The following CDYL2 variants were observed in gnomAD, a reference collection of about 807,000 sequenced individuals.
CDYL2 encodes chromodomain Y like 2, also known as chromodomain Y-like protein 2.
Under a neutral mutation model 49.4 loss-of-function variants are expected in CDYL2, and 23 were observed. The ratio of observed to expected loss-of-function variants is 0.47; its 90% CI spans 0.34 to 0.66. CDYL2 has a LOEUF of 0.66. Ranked by LOEUF, CDYL2 falls within the 30% of genes least tolerant of loss-of-function variation. The probability of loss-of-function intolerance (pLI) is 0.01; values close to 1 mark genes in which losing one functional copy is unlikely to be tolerated. For synonymous variants in CDYL2, 360 were observed against 268.8 expected (o/e 1.34, Z -3.32); for missense variants, 678 against 656.4 (o/e 1.03, Z -0.36).
chr16:80,713,747 G>A (rs1221616395), intron 1 of CDYL2, among the ~76,000 whole-genome samples: 1 of 152,128 alleles, frequency 6.6e-6, no homozygotes, highest in Non-Finnish European at 1.5e-5. Flanking sequence ...GTGACCCTAT[G>A]TGACTTCTAT....
At position 80,709,119 on chromosome 16, in the gene CDYL2, C is replaced by G. The variant is rs547743183; in HGVS notation, c.25-23990G>C. Reference sequence around the variant, plus strand: ...ACAAATTTAGCCAGGCCTGGTGGCTCACGCCTATAATCCCAGCACTTTGGG... The same window carrying G: ...ACAAATTTAGCCAGGCCTGGTGGCTGACGCCTATAATCCCAGCACTTTGGG... On this transcript the variant is annotated intron_variant, in intron 1 of 6. Coordinates refer to ENST00000570137, the MANE Select transcript of CDYL2 (RefSeq NM_152342.4). Among the ~76,000 whole-genome samples, 5 of 152,342 alleles carry G rather than the reference C, an allele frequency of 3.3e-5. No individual in the cohort carries two copies. The East Asian group carries it at 7.7e-4, about 24-fold the overall frequency.
chr16:80,711,681 A>T (rs1026240926), intron 1 of CDYL2, among the ~76,000 whole-genome samples: 5 of 152,060 alleles, frequency 3.3e-5, no homozygotes, highest in African/African-American at 1.2e-4. Context: ...GTCTGTCTCC[A>T]ATGGTTGTTC....
chr16:80,615,450 T>C (rs1247637181), intron 4 of CDYL2, among the ~76,000 whole-genome samples: 1 of 152,118 alleles, frequency 6.6e-6, no homozygotes, highest in Non-Finnish European at 1.5e-5. Flanking sequence ...TATCTTCCAC[T>C]CGGTGCAGAA....
chr16:80,765,876 C>CAAAAAAAA lies in CDYL2; in HGVS notation c.24+38266_24+38273dup, dbSNP rs554710623. 8.5e-5 allele frequency among the ~76,000 whole-genome samples: 4 copies of CAAAAAAAA among 47,166 alleles called. 1 individual carries two copies. Among genetic ancestry groups the CAAAAAAAA allele is most frequent in the African/African-American group, 2.3e-4 (3 of 13,316 alleles). 30.9% of individuals were successfully genotyped at this position (47,166 alleles called of 152,430 possible). ...GGCAACATTGCAAGACCCTCATCTA[C>CAAAAAAAA]AAAAAAAAAAAAAAAAAAAAAGGAA... On this transcript the variant is annotated intron_variant, in intron 1 of 6. Coordinates refer to ENST00000570137, the MANE Select transcript of CDYL2 (RefSeq NM_152342.4).
At chr16:80,666,773 AGT>A (rs1466227726) in intron 2 of CDYL2, among the ~76,000 whole-genome samples, 2 of 152,204 alleles carry the variant, frequency 1.3e-5, no homozygotes, top group Non-Finnish European at 2.9e-5. Context: ...AAGGGTTTGC[AGT>A]GGGTGGACCT....
intron 1 of CDYL2, among the ~76,000 whole-genome samples, chr16:80,794,016 C>T (rs1173104607): frequency 1.3e-5 from 2 of 152,110 alleles, no homozygotes; most frequent in African/African-American, 4.8e-5. Context: ...ACCATCTTGT[C>T]TTGGAATCTC....
chr16:80,756,776 T>C (rs944596181), intron 1 of CDYL2, among the ~76,000 whole-genome samples: 2 of 151,904 alleles, frequency 1.3e-5, no homozygotes, highest in Non-Finnish European at 2.9e-5. Flanking sequence ...AATCCACTAG[T>C]ATAACAGCAG....
chr16:80,696,263 G>T (rs565923304), intron 1 of CDYL2, among the ~76,000 whole-genome samples: 1 of 152,074 alleles, frequency 6.6e-6, no homozygotes, highest in Admixed American at 6.6e-5. Flanking sequence ...AAGAGAGAAG[G>T]TAATAGCAAT....
intron 3 of CDYL2, among the ~76,000 whole-genome samples, chr16:80,630,771 C>A (rs925055341): frequency 6.6e-6 from 1 of 152,130 alleles, no homozygotes; most frequent in Non-Finnish European, 1.5e-5. Flanking sequence ...CAGATGGCCG[C>A]ACCCACAACC....
Position 80,781,994 on chromosome 16 carries a change from A to T in CDYL2, c.24+22156T>A, listed in dbSNP as rs538476762. 3.3e-5 allele frequency among the ~76,000 whole-genome samples: 5 copies of T among 151,974 alleles called. No individual in the cohort carries two copies. The South Asian group carries it at 6.2e-4, about 19-fold the overall frequency. ...CTAACTGCATATCTTGAGTAAATTT[A>T]AAAAAGAGCAAATAAACCAAAAGCT... is the stretch of plus-strand genomic sequence containing the variant. On this transcript the variant is annotated intron_variant, in intron 1 of 6. Transcript: ENST00000570137.
At chr16:80,761,184 G>T (rs1039650352) in intron 1 of CDYL2, among the ~76,000 whole-genome samples, 5 of 152,150 alleles carry the variant, frequency 3.3e-5, no homozygotes, top group African/African-American at 1.2e-4. Context: ...AAACTCAGCA[G>T]GTGAAGCCCA....
chr16:80,644,350 C>G (rs1908237320), intron 2 of CDYL2, among the ~76,000 whole-genome samples: 1 of 152,218 alleles, frequency 6.6e-6, no homozygotes, highest in Non-Finnish European at 1.5e-5. Flanking sequence ...TCCAAACTTT[C>G]CCACATTTTC....
chr16:80,721,057 G>A (rs932652271), intron 1 of CDYL2, among the ~76,000 whole-genome samples: 1 of 152,078 alleles, frequency 6.6e-6, no homozygotes, highest in Admixed American at 6.6e-5. Flanking sequence ...AAGACCCCAG[G>A]AAAATGTCAG....
intron 2 of CDYL2, among the ~76,000 whole-genome samples, chr16:80,684,155 T>C (rs1213784034): frequency 4.6e-5 from 7 of 152,204 alleles, no homozygotes; most frequent in African/African-American, 1.7e-4. Context: ...GGCTCTGCAC[T>C]GTGCCCTGGG....
At chr16:80,800,143 CCTTT>C (rs1326685237) in intron 1 of CDYL2, among the ~76,000 whole-genome samples, 1 of 152,166 alleles carries the variant, frequency 6.6e-6, no homozygotes, top group Non-Finnish European at 1.5e-5. Context: ...CACTCAAGTG[CCTTT>C]CTTTAACATG....
rs1906623447 is a variant in CDYL2 at position 80,612,082 on chromosome 16, G to T, written c.1218+544C>A. On this transcript the variant is annotated intron_variant, in intron 5 of 6. Coordinates refer to ENST00000570137, the MANE Select transcript of CDYL2 (RefSeq NM_152342.4). This position sits in a 1 kb window ranked among gnomAD's most constrained non-coding sequence, Gnocchi z 5.0. Reference sequence around the variant, plus strand: ...GCTGCGTCTCCCGGCCTCCCTTGCAGGCGCATGTGACCAGAAGCTGAGTCA... The same window carrying T: ...GCTGCGTCTCCCGGCCTCCCTTGCATGCGCATGTGACCAGAAGCTGAGTCA... Among the ~76,000 whole-genome samples the T allele has an allele frequency of 6.6e-6, 1 of 152,234 alleles. No homozygotes were observed. The highest frequency in any genetic ancestry group is 2.4e-5 in the African/African-American group (1 of 41,460).
At chr16:80,752,635 T>TATAAG (rs1475297244) in intron 1 of CDYL2, among the ~76,000 whole-genome samples, 2 of 152,208 alleles carry the variant, frequency 1.3e-5, no homozygotes, top group Non-Finnish European at 2.9e-5. Flanking sequence ...CAGAATTATT[T>TATAAG]GCCCTATGGA....
chr16:80,701,704 T>A (rs1052147783), intron 1 of CDYL2, among the ~76,000 whole-genome samples: 2 of 152,224 alleles, frequency 1.3e-5, no homozygotes, highest in African/African-American at 4.8e-5. Flanking sequence ...CTTCACATAT[T>A]AAAAGTTGGT....
At chr16:80,735,303 A>G (rs187123364) in intron 1 of CDYL2, among the ~76,000 whole-genome samples, 265 of 152,344 alleles carry the variant, frequency 1.7e-3, no homozygotes, top group Non-Finnish European at 3.0e-3. Context: ...TGTTACAATG[A>G]GTCTTTACAT....
Sources: allele counts gnomAD v4.1 joint callset (sites outside exome capture counted in the v4.1 genomes callset), GRCh38; gene constraint gnomAD v4.1.1; non-coding constraint Gnocchi (gnomAD v3.1); transcripts MANE v1.5; gene names NCBI Gene and HGNC (gene_info 2026-07-23, HGNC 2026-07-21).